The following TAFA3 variants were observed in gnomAD, a reference collection of about 807,000 sequenced individuals.
TAFA3 encodes chemokine-like protein TAFA-3.
A neutral mutation model predicts 20.7 loss-of-function variants in TAFA3; 17 were observed. That is an observed-to-expected ratio of 0.82 (90% confidence interval 0.56 to 1.23). The LOEUF (loss-of-function observed/expected upper bound fraction) is 1.23, where lower values mean the gene tolerates loss of function less well. TAFA3 is among the 50% of genes most tolerant of loss of function. TAFA3 has a pLI of 0.00. For missense variants in TAFA3, 174 were observed against 172.8 expected (o/e 1.01, Z -0.04); for synonymous variants, 74 against 71.8 (o/e 1.03, Z -0.16).
At chr1:112,720,944 C>T (rs933829306) in intron 2 of TAFA3, among the ~76,000 whole-genome samples, 1 of 152,174 alleles carries the variant, frequency 6.6e-6, no homozygotes, top group Non-Finnish European at 1.5e-5. Context: ...AAACCATCAA[C>T]GATGAAAGAG....
chr1:112,719,346 G>C (rs777321370), intron 1 of TAFA3, among the ~76,000 whole-genome samples, 47 bp downstream of exon 1: 2 of 152,188 alleles, frequency 1.3e-5, no homozygotes, highest in Non-Finnish European at 2.9e-5. Flanking sequence ...ATGAGTAGGC[G>C]TTAGGGGGGT....
At chr1:112,726,472 G>T (rs1570856812) in intron 5 of TAFA3, among the ~76,000 whole-genome samples, 157 bp from the exon 6 acceptor site, 1 of 152,298 alleles carries the variant, frequency 6.6e-6, no homozygotes, top group East Asian at 1.9e-4. Context: ...TGTTTGCATG[G>T]GTCACCAGGC....
chr1:112,724,785 T>C (rs1477661589), intron 5 of TAFA3, among the ~76,000 whole-genome samples: 2 of 35,116 alleles, frequency 5.7e-5, no homozygotes, highest in Non-Finnish European at 1.1e-4. Context: ...AAAGTATAAT[T>C]TAAAAAAAAA....
At chr1:112,725,757 A>C (rs1433212094) in intron 5 of TAFA3, among the ~76,000 whole-genome samples, 1 of 152,228 alleles carries the variant, frequency 6.6e-6, no homozygotes, top group African/African-American at 2.4e-5. Flanking sequence ...TTGGTACAGA[A>C]GAGTGACACT....
chr1:112,724,085 C>T lies in TAFA3; in HGVS notation c.338C>T (p.Pro113Leu), dbSNP rs771756422. The T allele has an allele frequency of 5.6e-5, 91 of 1,613,234 alleles. No homozygotes were observed. The highest frequency in any genetic ancestry group is 6.9e-5 in the Non-Finnish European group (82 of 1,179,864). The change falls in exon 5 of 6, where the codon CCG becomes CTG. Residue 113 changes from proline (P) to leucine (L), a missense_variant. By Grantham distance (98) the Pro-to-Leu change is moderately conservative. Transcript: ENST00000361886. ...CCGGGGGAGGAGTGTAAGGTGCTCC[C>T]GGACCTGTCGGGATGGAGCTGCAGC... Reference protein sequence around the residue: ...CLPGEECKVLPDLSGWSCSSG... With the variant: ...CLPGEECKVLLDLSGWSCSSG...
chr1:112,724,310 G>C (rs1037007697), intron 5 of TAFA3, among the ~76,000 whole-genome samples, 173 bp downstream of exon 5: 1 of 152,004 alleles, frequency 6.6e-6, no homozygotes, highest in African/African-American at 2.4e-5. Context: ...CTGGAGTTAG[G>C]GGGGTCAGGA....
Position 112,724,368 on chromosome 1 carries a change from T to C in TAFA3, c.390+231T>C, listed in dbSNP as rs548611687. ...GAAGATTCTTGATGTCCATATACGC[T>C]GGTTTCCTCCTGTCTGCCTGGAATT... On this transcript the variant is annotated intron_variant, in intron 5 of 5. Coordinates refer to ENST00000361886, the MANE Select transcript of TAFA3 (RefSeq NM_182759.3). 2.6e-5 allele frequency among the ~76,000 whole-genome samples: 4 copies of C among 152,084 alleles called. No homozygotes were observed. The South Asian group carries it at 6.2e-4, about 24-fold the overall frequency.
rs1675271929 is a variant in TAFA3 at position 112,719,180 on chromosome 1, A to T, written c.-179A>T. 6.6e-6 allele frequency among the ~76,000 whole-genome samples: 1 copy of T among 152,218 alleles called. No homozygotes were observed. Among genetic ancestry groups the T allele is most frequent in the Non-Finnish European group, 1.5e-5 (1 of 68,028 alleles). ...TGAAGGGGACAGGGCTCCGGACTAG[A>T]CAGCACCCAAGCTGGCCGCTCCCTC... is the stretch of plus-strand genomic sequence containing the variant. On this transcript the variant is annotated 5_prime_UTR_variant, in exon 1 of 6. Coordinates refer to ENST00000361886, the MANE Select transcript of TAFA3 (RefSeq NM_182759.3).
chr1:112,719,577 G>C (rs1474509355), intron 1 of TAFA3, among the ~76,000 whole-genome samples: 1 of 152,162 alleles, frequency 6.6e-6, no homozygotes, highest in East Asian at 1.9e-4. Flanking sequence ...TGCCAGGGAT[G>C]AGAGCCCAAA....
Position 112,724,015 on chromosome 1 carries a change from TC to T in TAFA3, c.270del (p.Ile91SerfsTer57). ...CACTCCGCCTCCTGCTCCCACAGCCTCCATCGTCCTGCAGAGATGGTGGTGT... is the reference window on the plus strand; with the variant it reads ...CACTCCGCCTCCTGCTCCCACAGCCTCATCGTCCTGCAGAGATGGTGGTGT... Reference protein sequence around the residue: ...TRAKPSCVDASIVLQRWWCQM... With the variant: ...TRAKPSCVDAXIVLQRWWCQM... On this transcript the variant is annotated frameshift_variant, in exon 5 of 6. Coordinates refer to ENST00000361886, the MANE Select transcript of TAFA3 (RefSeq NM_182759.3). LOFTEE classifies it high-confidence loss of function. 1 of 1,613,886 alleles carries T rather than the reference TC, an allele frequency of 6.2e-7. No homozygotes were observed.
intron 5 of TAFA3, among the ~76,000 whole-genome samples, chr1:112,725,031 A>T (rs532044163): frequency 1.3e-5 from 2 of 152,204 alleles, no homozygotes; most frequent in Non-Finnish European, 2.9e-5. Context: ...TGTGGCACTT[A>T]TATACCATAG....
chr1:112,723,259 C>G (rs77724279), intron 4 of TAFA3, 94 bp downstream of exon 4: 1 of 1,445,168 alleles, frequency 6.9e-7, no homozygotes, highest in East Asian at 2.5e-5. Flanking sequence ...CAATTTCATA[C>G]CCGTCTCAGG....
At chr1:112,720,026 G>A (rs1429077910) in intron 1 of TAFA3, among the ~76,000 whole-genome samples, 3 of 152,178 alleles carry the variant, frequency 2.0e-5, no homozygotes, top group Admixed American at 6.5e-5. Context: ...TGGAGGCTGT[G>A]GCCTTCAAAG....
intron 4 of TAFA3, among the ~76,000 whole-genome samples, chr1:112,723,541 A>G (rs1227635642): frequency 2.0e-5 from 3 of 151,714 alleles, no homozygotes; most frequent in Admixed American, 1.3e-4. Context: ...ACACTTTCCT[A>G]TGTGGACACG....
intron 5 of TAFA3, among the ~76,000 whole-genome samples, chr1:112,726,080 TA>T (rs1317026844): frequency 6.6e-6 from 1 of 151,986 alleles, no homozygotes; most frequent in Non-Finnish European, 1.5e-5. Context: ...GAAGTTGCGG[TA>T]AGCAGAGATC....
chr1:112,719,328 G>A (rs1675275225), intron 1 of TAFA3, among the ~76,000 whole-genome samples, 29 bp downstream of exon 1: 1 of 152,244 alleles, frequency 6.6e-6, no homozygotes, highest in African/African-American at 2.4e-5. Flanking sequence ...GGCTCAGAAT[G>A]TGGAGGAATG....
At chr1:112,723,777 G>A (rs936537282) in intron 4 of TAFA3, among the ~76,000 whole-genome samples, 9 of 152,172 alleles carry the variant, frequency 5.9e-5, no homozygotes, top group African/African-American at 1.7e-4. Flanking sequence ...GCCTTCACCC[G>A]TCACTGTCTG....
intron 4 of TAFA3, 71 bp from the exon 5 acceptor site, chr1:112,723,942 C>A: frequency 6.2e-7 from 1 of 1,613,300 alleles, no homozygotes; most frequent in African/African-American, 1.3e-5. Flanking sequence ...ACCTCATTCG[C>A]AGACCTGCTC....
intron 2 of TAFA3, among the ~76,000 whole-genome samples, chr1:112,721,288 T>A (rs1436096278): frequency 1.3e-5 from 2 of 152,210 alleles, no homozygotes; most frequent in African/African-American, 4.8e-5. Context: ...TTTATGCATA[T>A]CTGAGCAACA....
Sources: gnomAD v4.1 joint callset for allele counts (sites outside exome capture counted in the v4.1 genomes callset) on GRCh38, gnomAD v4.1.1 for gene constraint, MANE v1.5 for transcripts, NCBI Gene and HGNC (gene_info 2026-07-23, HGNC 2026-07-21) for gene names.